Variants in TENM2 observed in about 807,000 individuals in gnomAD.
TENM2 encodes the protein teneurin-2.
A neutral mutation model predicts 245.2 loss-of-function variants in TENM2; 52 were observed. The ratio of observed to expected loss-of-function variants is 0.21; its 90% CI spans 0.17 to 0.27. TENM2 has a LOEUF of 0.27. Ranked by LOEUF, TENM2 falls within the 10% of genes least tolerant of loss-of-function variation. The pLI is 1.00. For synonymous variants in TENM2, 1,363 were observed against 1,438.9 expected, an observed-to-expected ratio of 0.95 and a Z score of 1.19; for missense variants, 3,046 against 3,666.8, an observed-to-expected ratio of 0.83 and a Z score of 4.37.
intron 2 of TENM2, among the ~76,000 whole-genome samples, chr5:167,377,464 G>A (rs917846351): frequency 3.2e-4 from 48 of 152,076 alleles, no homozygotes; most frequent in African/African-American, 1.2e-3. Context: ...CTAGGTGAGA[G>A]ATGCTTATTT....
At chr5:167,151,099 C>T in the TENM2 span, among the ~76,000 whole-genome samples, 20 of 152,254 alleles carry the variant, frequency 1.3e-4, 1 homozygote, top group Non-Finnish European at 2.6e-4. Flanking sequence ...TAAACCTCTC[C>T]TCCAGTCGAG....
chr5:167,350,699 T>TATATGGATATATATATATGGGATAC (rs1758806924), intron 1 of TENM2, among the ~76,000 whole-genome samples: 3 of 141,522 alleles, frequency 2.1e-5, no homozygotes, highest in African/African-American at 8.2e-5. Flanking sequence ...ATGGGATACA[T>TATATGGATATATATATATGGGATAC]ATATGGATAT....
chr5:167,512,827 T>C (rs1447320655), intron 2 of TENM2, among the ~76,000 whole-genome samples: 1 of 151,122 alleles, frequency 6.6e-6, no homozygotes, highest in African/African-American at 2.5e-5. Context: ...TTTTCTTGTG[T>C]TTTTTTCCTC....
intron 2 of TENM2, among the ~76,000 whole-genome samples, chr5:167,834,558 T>C (rs1009195862): frequency 6.6e-5 from 10 of 152,176 alleles, no homozygotes; most frequent in African/African-American, 2.2e-4. Context: ...TAGCATTGTT[T>C]CCATGAAAGA....
the TENM2 span, among the ~76,000 whole-genome samples, chr5:167,081,369 C>G: frequency 6.6e-6 from 1 of 152,048 alleles, no homozygotes; most frequent in Non-Finnish European, 1.5e-5. Flanking sequence ...AATTAATCTA[C>G]TGAGTGTTCT....
At chr5:167,492,092 G>T (rs1768467027) in intron 2 of TENM2, among the ~76,000 whole-genome samples, 1 of 152,144 alleles carries the variant, frequency 6.6e-6, no homozygotes, top group Non-Finnish European at 1.5e-5. Flanking sequence ...TTGAGCAAGA[G>T]AGAAGTTGTT....
chr5:167,389,428 A>G (rs1761633547), intron 2 of TENM2, among the ~76,000 whole-genome samples: 1 of 152,024 alleles, frequency 6.6e-6, no homozygotes, highest in Non-Finnish European at 1.5e-5. Flanking sequence ...GGCATGTTTT[A>G]CATGCCCTAT....
intron 2 of TENM2, among the ~76,000 whole-genome samples, chr5:167,623,385 A>AT (rs555288425): frequency 3.9e-5 from 6 of 152,090 alleles, no homozygotes; most frequent in East Asian, 3.9e-4. Context: ...ACACATAATA[A>AT]TTTTTTTTAC....
At chr5:167,661,863 G>A (rs1274798399) in intron 2 of TENM2, among the ~76,000 whole-genome samples, 1 of 152,170 alleles carries the variant, frequency 6.6e-6, no homozygotes, top group East Asian at 1.9e-4. Flanking sequence ...GAAGCTGCAG[G>A]CTTGCATAAT....
At chr5:167,222,349 C>G in the TENM2 span, among the ~76,000 whole-genome samples, 1 of 152,164 alleles carries the variant, frequency 6.6e-6, no homozygotes, top group Non-Finnish European at 1.5e-5. Flanking sequence ...GAAGTACTAT[C>G]TATAGAAGAC....
the TENM2 span, among the ~76,000 whole-genome samples, chr5:167,142,399 CTGT>C: frequency 6.6e-6 from 1 of 152,180 alleles, no homozygotes; most frequent in East Asian, 1.9e-4. Flanking sequence ...ATCCTGAGTG[CTGT>C]TGTTCTACTT....
At chr5:167,344,288 A>G (rs908489620) in intron 1 of TENM2, among the ~76,000 whole-genome samples, 12 of 104,548 alleles carry the variant, frequency 1.1e-4, no homozygotes, top group South Asian at 9.6e-4. Context: ...GCACGCACAC[A>G]CACACACACA....
At chr5:168,090,552 G>A in intron 7 of TENM2, 22 bp from the exon 10 acceptor site, 6 of 1,606,700 alleles carry the variant, frequency 3.7e-6, no homozygotes, top group Non-Finnish European at 5.1e-6. Flanking sequence ...CTCATGCATG[G>A]TACTCTCTCT....
intron 2 of TENM2, among the ~76,000 whole-genome samples, chr5:167,417,902 C>T (rs921678886): frequency 1.3e-5 from 2 of 152,180 alleles, no homozygotes; most frequent in African/African-American, 2.4e-5. Context: ...CCTTTGTGTA[C>T]ATTTGGAGAC....
In TENM2 at chr5:168,247,959, C is replaced by T. The variant is rs760426380; in HGVS notation, c.7020C>T (p.Asn2340=). ...TCACCCATGTCTACAATCACTCCAA[C>T]TCGGAGATTACCTCACTGTACTACG... Residue 2340 remains asparagine, a synonymous_variant, in exon 27 of 29, where the codon AAC becomes AAT. Coordinates refer to ENST00000518659, the Ensembl canonical transcript of TENM2. This position sits in a 1 kb window ranked among gnomAD's most constrained non-coding sequence, Gnocchi z 7.8. 1 of 1,613,980 alleles carries T rather than the reference C, an allele frequency of 6.2e-7. No individual in the cohort carries two copies. The highest frequency in any genetic ancestry group is 1.7e-5 in the Admixed American group (1 of 60,036).
At chr5:167,274,421 G>T in the TENM2 span, among the ~76,000 whole-genome samples, 1 of 152,042 alleles carries the variant, frequency 6.6e-6, no homozygotes, top group South Asian at 2.1e-4. Flanking sequence ...GAACACTTGG[G>T]TTGTTTCCAG....
intron 1 of TENM2, among the ~76,000 whole-genome samples, chr5:167,364,144 GAATA>G (rs1481681299): frequency 6.6e-6 from 1 of 151,432 alleles, no homozygotes; most frequent in Non-Finnish European, 1.5e-5. Flanking sequence ...GTATGGAAGT[GAATA>G]AATATATAAA....
the TENM2 span, among the ~76,000 whole-genome samples, chr5:167,249,620 A>G: frequency 1.3e-5 from 2 of 152,100 alleles, no homozygotes; most frequent in South Asian, 2.1e-4. Context: ...ACCTACATCA[A>G]TCTTGTTGTC....
chr5:167,351,233 A>G (rs1283552373), intron 1 of TENM2, among the ~76,000 whole-genome samples: 1 of 151,546 alleles, frequency 6.6e-6, no homozygotes, highest in Non-Finnish European at 1.5e-5. Flanking sequence ...ATCAACCACA[A>G]TTAATTTCTT....
Sources: allele counts gnomAD v4.1 joint callset (sites outside exome capture counted in the v4.1 genomes callset), GRCh38; gene constraint gnomAD v4.1.1; non-coding constraint Gnocchi (gnomAD v3.1); transcripts MANE v1.5; gene names NCBI Gene and HGNC (gene_info 2026-07-23, HGNC 2026-07-21).